SDK1: variants seen among roughly 807,000 people sequenced by gnomAD.
The protein encoded by SDK1 is sidekick cell adhesion molecule 1, also known as protein sidekick-1.
SDK1 carries 157 observed loss-of-function variants against 245.5 expected under a neutral mutation model. The ratio of observed to expected loss-of-function variants is 0.64; its 90% CI spans 0.56 to 0.73. The LOEUF is 0.73. SDK1 is among the 30% of genes least tolerant of loss of function. The probability of loss-of-function intolerance (pLI) is 0.00; values close to 1 mark genes in which losing one functional copy is unlikely to be tolerated. For synonymous variants in SDK1, 1,647 were observed against 1,278.5 expected (o/e 1.29, Z -6.15); for missense variants, 3,583 against 3,002.3 (o/e 1.19, Z -4.52).
Position 3,962,773 on chromosome 7 carries a change from G to T in SDK1, c.1351G>T (p.Glu451Ter). The T allele has an allele frequency of 6.2e-7, 1 of 1,613,726 alleles. No individual in the cohort carries two copies. The highest frequency in any genetic ancestry group is 8.5e-7 in the Non-Finnish European group (1 of 1,179,870). Reference sequence around the variant, plus strand: ...CCTGCGCATCCAGAAGCTGCGTCCAGAGGACTCCGGAATCTTCCAGTGCTT... The same window carrying T: ...CCTGCGCATCCAGAAGCTGCGTCCATAGGACTCCGGAATCTTCCAGTGCTT... Reference protein sequence around the residue: ...GGLRIQKLRPEDSGIFQCFAS... With the variant: ...GGLRIQKLRP Residue 451 changes from glutamate (E) to a stop codon, truncating the protein, a stop_gained, in exon 9 of 45, where the codon GAG becomes TAG. Coordinates refer to ENST00000404826, the MANE Select transcript of SDK1 (RefSeq NM_152744.4). LOFTEE classifies it high-confidence loss of function.
intron 38 of SDK1, among the ~76,000 whole-genome samples, chr7:4,218,983 A>G (rs1376496254): frequency 6.6e-6 from 1 of 151,992 alleles, no homozygotes; most frequent in Non-Finnish European, 1.5e-5. Context: ...AATTTTCAAT[A>G]TTTATTCTCT....
At chr7:3,451,880 T>C (rs1476564998) in intron 1 of SDK1, among the ~76,000 whole-genome samples, 1 of 152,180 alleles carries the variant, frequency 6.6e-6, no homozygotes, top group East Asian at 1.9e-4. Flanking sequence ...CAGGTGGTGT[T>C]GGGCAATTGC....
At chr7:3,475,444 C>T (rs190560706) in intron 1 of SDK1, among the ~76,000 whole-genome samples, 17 of 152,352 alleles carry the variant, frequency 1.1e-4, no homozygotes, top group South Asian at 4.1e-4. Context: ...CCTTGGAGCA[C>T]GTCTCTCTCA....
chr7:4,072,725 C>T (rs562040674), intron 20 of SDK1, among the ~76,000 whole-genome samples: 4 of 152,240 alleles, frequency 2.6e-5, no homozygotes, highest in Non-Finnish European at 4.4e-5. Flanking sequence ...CTATTAAAGG[C>T]AGCTGCAGGA....
chr7:4,179,475 T>C (rs1312531991), intron 35 of SDK1, among the ~76,000 whole-genome samples: 2 of 151,858 alleles, frequency 1.3e-5, no homozygotes, highest in Non-Finnish European at 2.9e-5. Context: ...TTGGGAAGGG[T>C]TATTGTTATG....
chr7:3,517,112 T>C (rs1782779637), intron 1 of SDK1, among the ~76,000 whole-genome samples: 1 of 152,306 alleles, frequency 6.6e-6, no homozygotes, highest in South Asian at 2.1e-4. Context: ...CTGAACCTAG[T>C]TACATTTTTA....
chr7:3,409,297 GTT>G (rs5881980), intron 1 of SDK1, among the ~76,000 whole-genome samples: 87,192 of 136,630 alleles, frequency 0.64, 27,331 homozygotes, highest in South Asian at 0.77. Flanking sequence ...TTCTATTATG[GTT>G]TTTTTTTTTT....
At chr7:3,500,649 G>T (rs190163862) in intron 1 of SDK1, among the ~76,000 whole-genome samples, 1 of 149,838 alleles carries the variant, frequency 6.7e-6, no homozygotes, top group Non-Finnish European at 1.5e-5. Flanking sequence ...CTTTGTGCTC[G>T]GTACTCAGTG....
At chr7:3,454,918 A>G (rs768303612) in intron 1 of SDK1, among the ~76,000 whole-genome samples, 1 of 152,196 alleles carries the variant, frequency 6.6e-6, no homozygotes, top group East Asian at 1.9e-4. Flanking sequence ...ACTATTTTCC[A>G]GAGTGACTGT....
intron 17 of SDK1, among the ~76,000 whole-genome samples, chr7:4,044,306 G>A (rs887394415): frequency 3.9e-5 from 6 of 152,194 alleles, no homozygotes; most frequent in Admixed American, 1.3e-4. Context: ...CAGGGCTCCC[G>A]GAAGGCAGCA....
intron 1 of SDK1, among the ~76,000 whole-genome samples, chr7:3,563,656 AGCAG>A (rs1296493681): frequency 6.6e-6 from 1 of 152,238 alleles, no homozygotes; most frequent in African/African-American, 2.4e-5. Flanking sequence ...ACAGTTGAAA[AGCAG>A]GCAGAGGTGG....
intron 44 of SDK1, among the ~76,000 whole-genome samples, chr7:4,253,188 G>T (rs151177652): frequency 6.6e-6 from 1 of 151,842 alleles, no homozygotes; most frequent in Non-Finnish European, 1.5e-5. Flanking sequence ...TAATTTGCTC[G>T]TCTTCTTTCA....
At chr7:3,582,682 G>GAAAAAAAAAAAAAAAA (rs1780545187) in intron 1 of SDK1, among the ~76,000 whole-genome samples, 1 of 13,570 alleles carries the variant, frequency 7.4e-5, no homozygotes, top group African/African-American at 4.1e-4. Context: ...CTAAACTAAA[G>GAAAAAAAAAAAAAAAA]TAAAAAAAAA....
chr7:4,220,011 G>T (rs1785050898), intron 38 of SDK1, 98 bp from the exon 39 acceptor site: 5 of 1,415,148 alleles, frequency 3.5e-6, no homozygotes, highest in Middle Eastern at 1.8e-4. Flanking sequence ...TTAGCAAACT[G>T]CAGGGACCAC....
At chr7:3,923,079 C>T (rs1431274031) in intron 5 of SDK1, among the ~76,000 whole-genome samples, 1 of 152,200 alleles carries the variant, frequency 6.6e-6, no homozygotes, top group Non-Finnish European at 1.5e-5. Flanking sequence ...ATTGTATTCT[C>T]ATCTGAAAGT....
intron 1 of SDK1, among the ~76,000 whole-genome samples, chr7:3,522,668 G>A (rs1376931621): frequency 2.0e-5 from 3 of 152,200 alleles, no homozygotes; most frequent in South Asian, 2.1e-4. Flanking sequence ...CTTCAAAACT[G>A]CCAGAGGCTG....
At chr7:4,201,639 A>G (rs115945990) in intron 35 of SDK1, among the ~76,000 whole-genome samples, 1 of 152,332 alleles carries the variant, frequency 6.6e-6, no homozygotes, top group East Asian at 1.9e-4. Flanking sequence ...GATGCCTGGC[A>G]TGGCACAGGG....
At chr7:3,904,915 C>T (rs760264396) in intron 5 of SDK1, among the ~76,000 whole-genome samples, 12 of 151,842 alleles carry the variant, frequency 7.9e-5, no homozygotes, top group Non-Finnish European at 1.5e-4. Flanking sequence ...ATGGCGTGAA[C>T]CCGGGAGGTG....
chr7:4,226,373 C>G (rs972518031), intron 40 of SDK1, among the ~76,000 whole-genome samples: 16 of 152,238 alleles, frequency 1.1e-4, no homozygotes, highest in African/African-American at 3.4e-4. Context: ...AGACAAGACA[C>G]TCATCAGCTT....
Sources: allele counts gnomAD v4.1 joint callset (sites outside exome capture counted in the v4.1 genomes callset), GRCh38; gene constraint gnomAD v4.1.1; transcripts MANE v1.5; gene names NCBI Gene and HGNC (gene_info 2026-07-23, HGNC 2026-07-21).